The following PCYT1A variants were observed in gnomAD, a reference collection of about 807,000 sequenced individuals.
The protein encoded by PCYT1A is choline-phosphate cytidylyltransferase A.
PCYT1A carries 25 observed loss-of-function variants against 43.7 expected under a neutral mutation model. That is an observed-to-expected ratio of 0.57 (90% CI 0.42 to 0.80). The LOEUF is 0.80. Among genes scored for constraint, PCYT1A ranks in the 30% least tolerant of loss-of-function variants. The probability of loss-of-function intolerance (pLI) is 0.00; values close to 1 mark genes in which losing one functional copy is unlikely to be tolerated. For synonymous variants in PCYT1A, 172 were observed against 170.7 expected, an observed-to-expected ratio of 1.01 and a Z score of -0.06; for missense variants, 421 against 474.2, an observed-to-expected ratio of 0.89 and a Z score of 1.04.
intron 1 of PCYT1A, among the ~76,000 whole-genome samples, chr3:196,272,356 TTG>T (rs1330939853): frequency 6.6e-6 from 1 of 152,230 alleles, no homozygotes; most frequent in East Asian, 1.9e-4. Flanking sequence ...GGCTAATTTT[TTG>T]TATTTTTAGT....
intron 2 of PCYT1A, among the ~76,000 whole-genome samples, chr3:196,262,949 T>C (rs1345563119): frequency 2.6e-5 from 4 of 151,802 alleles, no homozygotes; most frequent in African/African-American, 7.3e-5. Flanking sequence ...CACCCACCAC[T>C]GCGCCTGCTT....
In PCYT1A at chr3:196,270,498, T is replaced by C; in HGVS notation, c.34A>G (p.Arg12Gly). 6.2e-7 allele frequency: 1 copy of C among 1,614,098 alleles called. No homozygotes were observed. Among genetic ancestry groups the C allele is most frequent in the Non-Finnish European group, 8.5e-7 (1 of 1,179,932 alleles). ...CCGGGCGCCTCTTTTCTCCTCTTCCTTGCATTGACCTTGGCTGAACACTGT... is the reference window on the plus strand; with the variant it reads ...CCGGGCGCCTCTTTTCTCCTCTTCCCTGCATTGACCTTGGCTGAACACTGT... Reference protein sequence around the residue: ...DAQCSAKVNARKRRKEAPGPN... With the variant: ...DAQCSAKVNAGKRRKEAPGPN... Residue 12 changes from arginine (R) to glycine (G), a missense_variant, in exon 2 of 9, where the codon AGG (arginine) becomes GGG (glycine). Physicochemically the swap from Arg to Gly is moderately radical, Grantham distance 125 (BLOSUM62 -2). Transcript: ENST00000431016.
chr3:196,241,621 G>T (rs762484127), intron 7 of PCYT1A: 1 of 1,327,292 alleles, frequency 7.5e-7, no homozygotes, highest in South Asian at 1.2e-5. Flanking sequence ...CCTTTCGCAG[G>T]TTCCCAAGAC....
chr3:196,277,759 T>C lies in PCYT1A; in HGVS notation c.-10-7218A>G, dbSNP rs2108781136. Among the ~76,000 whole-genome samples, 1 of 152,316 alleles carries C rather than the reference T, an allele frequency of 6.6e-6. No individual in the cohort carries two copies. Among genetic ancestry groups the C allele is most frequent in the South Asian group, 2.1e-4 (1 of 4,828 alleles). On this transcript the variant is annotated intron_variant, in intron 1 of 8. Transcript: ENST00000431016. This position sits in a 1 kb window ranked among gnomAD's most constrained non-coding sequence, Gnocchi z 4.1. ...GGTGGCATGCACCTGTAATCCCAGC[T>C]ACTTGGGAGGCTAAGGCAGGAGGAT...
At position 196,268,490 on chromosome 3, in the gene PCYT1A, A is replaced by G. The variant is rs1173859928; in HGVS notation, c.117+1925T>C. On this transcript the variant is annotated intron_variant, in intron 2 of 8. Transcript: ENST00000431016. This position sits in a 1 kb window ranked among gnomAD's most constrained non-coding sequence, Gnocchi z 4.4. Reference sequence around the variant, plus strand: ...TGACTGTTTTACCATACATGGCAAAAGAGACTCTGCAGGCCAGGCACAGTG... The same window carrying G: ...TGACTGTTTTACCATACATGGCAAAGGAGACTCTGCAGGCCAGGCACAGTG... Among the ~76,000 whole-genome samples the G allele has an allele frequency of 6.6e-6, 1 of 152,176 alleles. No individual in the cohort carries two copies. Among genetic ancestry groups the G allele is most frequent in the Non-Finnish European group, 1.5e-5 (1 of 68,034 alleles).
At chr3:196,250,079 ATACACCATGCCGAGGCTGAGGACCAGG>A (rs1560166116) in intron 3 of PCYT1A, among the ~76,000 whole-genome samples, 6 of 135,188 alleles carry the variant, frequency 4.4e-5, no homozygotes, top group Non-Finnish European at 7.9e-5. Flanking sequence ...TGAGGACCAG[ATACACCATGCCGAGGCTGAGGACCAGG>A]TACACCATGC....
rs1031091706 is a variant in PCYT1A at position 196,238,487 on chromosome 3, T to G, written c.*201A>C. On this transcript the variant is annotated 3_prime_UTR_variant, in exon 9 of 9. Coordinates refer to ENST00000431016, the MANE Select transcript of PCYT1A (RefSeq NM_001312673.2). ...TGCAGAGCAGGCTTCTAAGGTGCAG[T>G]CCCCCTCCTTCGTGTGGGTGAGTGA... 2.4e-6 allele frequency: 1 copy of G among 409,636 alleles called. No homozygotes were observed. The highest frequency in any genetic ancestry group is 2.1e-5 in the African/African-American group (1 of 48,422). 25.4% of individuals were successfully genotyped at this position (409,636 alleles called of 1,614,324 possible).
At chr3:196,258,461 T>C (rs1233492219) in intron 2 of PCYT1A, among the ~76,000 whole-genome samples, 1 of 152,222 alleles carries the variant, frequency 6.6e-6, no homozygotes, top group Non-Finnish European at 1.5e-5. Context: ...ATTGATCTTA[T>C]GTCCTATAAC....
rs1003228523 is a variant in PCYT1A at position 196,235,826 on chromosome 3, T to C, written c.*2862A>G. 2 of 152,386 alleles carry C rather than the reference T, an allele frequency of 1.3e-5. No individual in the cohort carries two copies. Among genetic ancestry groups the C allele is most frequent in the East Asian group, 1.9e-4 (1 of 5,190 alleles). 9.4% of individuals were successfully genotyped at this position (152,386 alleles called of 1,614,324 possible). On this transcript the variant is annotated 3_prime_UTR_variant, in exon 9 of 9. Transcript: ENST00000431016. The surrounding 1 kb of genome is among the most constrained non-coding windows in gnomAD (Gnocchi z 4.3). ...CAGGCATTGTGGTGGTGTGCACACC[T>C]CTAACCTCATTTAATTAGGCACAGA...
intron 3 of PCYT1A, among the ~76,000 whole-genome samples, chr3:196,255,628 A>G (rs1224071879): frequency 6.6e-6 from 1 of 152,158 alleles, no homozygotes; most frequent in Non-Finnish European, 1.5e-5. Flanking sequence ...CAGAAGGGAA[A>G]TGTTGCAGTG....
At chr3:196,271,190 AT>A (rs59957093) in intron 1 of PCYT1A, among the ~76,000 whole-genome samples, 24 of 148,052 alleles carry the variant, frequency 1.6e-4, no homozygotes, top group Middle Eastern at 3.4e-3. Context: ...ACACCTAGTT[AT>A]TTTTTTTTTT....
intron 3 of PCYT1A, among the ~76,000 whole-genome samples, chr3:196,257,383 T>A (rs1724982274): frequency 6.6e-6 from 1 of 152,182 alleles, no homozygotes; most frequent in Non-Finnish European, 1.5e-5. Flanking sequence ...CCTCTATCAA[T>A]CGGCAGCATC....
At position 196,251,810 on chromosome 3, in the gene PCYT1A, G is replaced by A. The variant is rs111570345; in HGVS notation, c.218-3487C>T. ...GGGTAATATTGGTGGCCTGTTATAG[G>A]GATACCAGGTGGCTGTGAGACAGGT... is the stretch of plus-strand genomic sequence containing the variant. On this transcript the variant is annotated intron_variant, in intron 3 of 8. Coordinates refer to ENST00000431016, the MANE Select transcript of PCYT1A (RefSeq NM_001312673.2). 6.0e-3 allele frequency among the ~76,000 whole-genome samples: 915 copies of A among 152,308 alleles called. 15 individuals carry two copies. Among genetic ancestry groups the A allele is most frequent in the African/African-American group, 0.02 (828 of 41,566 alleles).
At position 196,236,202 on chromosome 3, in the gene PCYT1A, C is replaced by T. The variant is rs959009309; in HGVS notation, c.*2486G>A. The T allele has an allele frequency of 2.0e-5, 3 of 152,188 alleles. 1 individual carries two copies. Among genetic ancestry groups the T allele is most frequent in the Non-Finnish European group, 2.9e-5 (2 of 68,062 alleles). 9.4% of individuals were successfully genotyped at this position (152,188 alleles called of 1,614,324 possible). On this transcript the variant is annotated 3_prime_UTR_variant, in exon 9 of 9. Transcript: ENST00000431016. Reference sequence around the variant, plus strand: ...CAGACAATATATTTAGGAGGTATGGCTCCAATAGGGAGGGAGGAGGAAAAC... The same window carrying T: ...CAGACAATATATTTAGGAGGTATGGTTCCAATAGGGAGGGAGGAGGAAAAC...
chr3:196,280,570 G>GTTTTTTTTTTTTTTTTTTTTTTTT, intron 1 of PCYT1A, among the ~76,000 whole-genome samples: 7 of 91,340 alleles, frequency 7.7e-5, no homozygotes, highest in South Asian at 4.0e-4. Context: ...TATTTTTATT[G>GTTTTTTTTTTTTTTTTTTTTTTTT]TTTTTTTTTT....
rs768532171 is a variant in PCYT1A at position 196,277,860 on chromosome 3, G to A, written c.-10-7319C>T. On this transcript the variant is annotated intron_variant, in intron 1 of 8. Transcript: ENST00000431016. This position sits in a 1 kb window ranked among gnomAD's most constrained non-coding sequence, Gnocchi z 4.1. ...TGCGCTCCAGCCTGGGCGACAGAGC[G>A]AGACTTTGTCTCAAAATAATAATAA... Among the ~76,000 whole-genome samples the A allele has an allele frequency of 5.9e-5, 9 of 152,306 alleles. No homozygotes were observed. The highest frequency in any genetic ancestry group is 1.2e-4 in the Non-Finnish European group (8 of 68,024).
chr3:196,250,230 C>T (rs949743582), intron 3 of PCYT1A, among the ~76,000 whole-genome samples: 9 of 147,720 alleles, frequency 6.1e-5, no homozygotes, highest in Non-Finnish European at 4.5e-5. Flanking sequence ...CATGCCGAGG[C>T]TGAGGACCAG....
At chr3:196,278,437 C>A (rs1313184441) in intron 1 of PCYT1A, among the ~76,000 whole-genome samples, 2 of 152,122 alleles carry the variant, frequency 1.3e-5, no homozygotes, top group African/African-American at 4.8e-5. Flanking sequence ...CACAGGCTGC[C>A]TTAATATCCC....
chr3:196,238,572 G>T lies in PCYT1A; in HGVS notation c.*116C>A. 1.4e-6 allele frequency: 1 copy of T among 701,546 alleles called. No homozygotes were observed. The highest frequency in any genetic ancestry group is 2.3e-6 in the Non-Finnish European group (1 of 440,542). 43.5% of individuals were successfully genotyped at this position (701,546 alleles called of 1,614,324 possible). A position where few individuals can be genotyped will look rare whatever the true frequency, so the allele number is the denominator to read the frequency against. ...AGTCCTAGGTCTTCTTTCCCCAGTT[G>T]TCTTTCCTTTGTAGCTGTCCTTAGG... On this transcript the variant is annotated 3_prime_UTR_variant, in exon 9 of 9. Coordinates refer to ENST00000431016, the MANE Select transcript of PCYT1A (RefSeq NM_001312673.2).
Sources: allele counts gnomAD v4.1 joint callset (sites outside exome capture counted in the v4.1 genomes callset), GRCh38; gene constraint gnomAD v4.1.1; non-coding constraint Gnocchi (gnomAD v3.1); transcripts MANE v1.5; gene names NCBI Gene and HGNC (gene_info 2026-07-23, HGNC 2026-07-21).